The following STK33 variants were observed in gnomAD, a reference collection of about 807,000 sequenced individuals.
The protein encoded by STK33 is serine/threonine kinase 33.
Under a neutral mutation model 58.0 loss-of-function variants are expected in STK33, and 52 were observed. The observed-to-expected ratio is 0.90, with a 90% confidence interval of 0.72 to 1.13. STK33 has a LOEUF of 1.13. Among genes scored for constraint, STK33 ranks in the 50% most tolerant of loss-of-function variants. The pLI is 0.00. For synonymous variants in STK33, 215 were observed against 200.1 expected (o/e 1.07, Z -0.63); for missense variants, 630 against 604.2 (o/e 1.04, Z -0.45).
the STK33 span, among the ~76,000 whole-genome samples, chr11:8,335,569 C>T: frequency 4.6e-5 from 7 of 152,212 alleles, no homozygotes; most frequent in Non-Finnish European, 7.3e-5. Flanking sequence ...TGTCCACTCT[C>T]TCATAACATA....
chr11:8,550,437 A>C (rs1482236993), intron 1 of STK33, among the ~76,000 whole-genome samples: 2 of 151,950 alleles, frequency 1.3e-5, no homozygotes. Flanking sequence ...GAGCCACCAC[A>C]CTCAACCGGG....
At chr11:8,375,247 C>T in the STK33 span, among the ~76,000 whole-genome samples, 1 of 152,216 alleles carries the variant, frequency 6.6e-6, no homozygotes, top group African/African-American at 2.4e-5. Flanking sequence ...CTACAACTTG[C>T]AGTGACATTT....
At chr11:8,578,802 T>G (rs945411198) in intron 1 of STK33, among the ~76,000 whole-genome samples, 3 of 151,936 alleles carry the variant, frequency 2.0e-5, no homozygotes, top group Non-Finnish European at 2.9e-5. Flanking sequence ...AGGGTAATAA[T>G]TATATGCAGA....
the STK33 span, among the ~76,000 whole-genome samples, chr11:8,372,292 C>T: frequency 1.3e-5 from 2 of 152,164 alleles, no homozygotes; most frequent in African/African-American, 4.8e-5. Context: ...CCTTGTAAGG[C>T]CTTACAAGGT....
intron 15 of STK33, among the ~76,000 whole-genome samples, chr11:8,399,244 G>C (rs1004873903): frequency 6.6e-6 from 1 of 152,126 alleles, no homozygotes; most frequent in African/African-American, 2.4e-5. Flanking sequence ...AAATGTAAAA[G>C]AAAAGAAATT....
the STK33 span, among the ~76,000 whole-genome samples, chr11:8,358,482 G>A: frequency 1.3e-5 from 2 of 152,268 alleles, no homozygotes; most frequent in African/African-American, 2.4e-5. Flanking sequence ...AGGTCTAACC[G>A]TCAGGCTGGG....
chr11:8,395,881 AC>A (rs1433876846), intron 15 of STK33, among the ~76,000 whole-genome samples: 2 of 152,192 alleles, frequency 1.3e-5, no homozygotes, highest in Non-Finnish European at 2.9e-5. Flanking sequence ...GTTGCCTTCC[AC>A]TGCAGTTGTA....
chr11:8,518,613 A>T (rs1369889145), intron 1 of STK33, among the ~76,000 whole-genome samples: 3 of 152,234 alleles, frequency 2.0e-5, no homozygotes, highest in African/African-American at 4.8e-5. Flanking sequence ...ATGCAGAGAC[A>T]CACATAGGCT....
the STK33 span, among the ~76,000 whole-genome samples, chr11:8,384,070 G>A: frequency 1.3e-5 from 2 of 152,202 alleles, no homozygotes; most frequent in South Asian, 2.1e-4. Flanking sequence ...AGGTGCCGAG[G>A]CAAGAGAGTG....
intron 7 of STK33, among the ~76,000 whole-genome samples, chr11:8,463,103 G>A (rs540793500): frequency 6.6e-6 from 1 of 152,220 alleles, no homozygotes; most frequent in African/African-American, 2.4e-5. Flanking sequence ...CTCAGGAGTG[G>A]GTGGGATGCT....
chr11:8,562,061 T>A (rs1957149346), intron 1 of STK33, among the ~76,000 whole-genome samples: 1 of 152,188 alleles, frequency 6.6e-6, no homozygotes, highest in Admixed American at 6.5e-5. Context: ...AACTCCAATT[T>A]CTAAAAATTC....
intron 14 of STK33, among the ~76,000 whole-genome samples, chr11:8,421,189 T>C (rs1941871204): frequency 1.3e-5 from 2 of 152,224 alleles, no homozygotes; most frequent in South Asian, 4.1e-4. Flanking sequence ...CCTTTGGTTA[T>C]GTTGCTTATG....
chr11:8,580,213 C>G (rs1336900497), intron 1 of STK33, among the ~76,000 whole-genome samples: 1 of 152,074 alleles, frequency 6.6e-6, no homozygotes, highest in East Asian at 1.9e-4. Flanking sequence ...TTGGGGGCAA[C>G]CTAAGTGTCC....
chr11:8,480,145 G>C (rs1317962781), intron 2 of STK33, among the ~76,000 whole-genome samples: 1 of 152,130 alleles, frequency 6.6e-6, no homozygotes, highest in African/African-American at 2.4e-5. Context: ...AGAGACAGTG[G>C]GTGCCGATTT....
intron 14 of STK33, among the ~76,000 whole-genome samples, chr11:8,423,772 T>C (rs1300087280): frequency 2.6e-5 from 4 of 152,082 alleles, no homozygotes; most frequent in Non-Finnish European, 5.9e-5. Context: ...CTTTGTTTCA[T>C]ATATCAGTAG....
the STK33 span, among the ~76,000 whole-genome samples, chr11:8,343,243 G>A: frequency 6.6e-6 from 1 of 152,248 alleles, no homozygotes; most frequent in Non-Finnish European, 1.5e-5. Flanking sequence ...TGTGCCCTGG[G>A]GCAGGAAGCC....
rs902710923 is a variant in STK33, at chr11:8,447,439, T to C, written c.871+5383A>G. On this transcript the variant is annotated intron_variant, in intron 11 of 15. Transcript: ENST00000687296. ...AGCACATCAAAAAGCTTATCCACCA[T>C]GATCAAGTGGGCTTCATCTCTGGGA... is the stretch of plus-strand genomic sequence containing the variant. Among the ~76,000 whole-genome samples the C allele has an allele frequency of 3.9e-5, 6 of 152,116 alleles. 1 individual carries two copies. Among genetic ancestry groups the C allele is most frequent in the Non-Finnish European group, 7.4e-5 (5 of 68,006 alleles).
At chr11:8,513,521 A>C (rs2139539670) in intron 1 of STK33, among the ~76,000 whole-genome samples, 1 of 152,316 alleles carries the variant, frequency 6.6e-6, no homozygotes, top group East Asian at 1.9e-4. Flanking sequence ...TACAGTCCAT[A>C]TAGAATCATG....
At chr11:8,407,349 A>T (rs1252116161) in intron 15 of STK33, among the ~76,000 whole-genome samples, 1 of 152,104 alleles carries the variant, frequency 6.6e-6, no homozygotes, top group Non-Finnish European at 1.5e-5. Context: ...TGTTATTTAT[A>T]AGGCAAACAT....
Sources: gnomAD v4.1 joint callset for allele counts (sites outside exome capture counted in the v4.1 genomes callset) on GRCh38, gnomAD v4.1.1 for gene constraint, MANE v1.5 for transcripts, NCBI Gene and HGNC (gene_info 2026-07-23, HGNC 2026-07-21) for gene names.